RSPRY1: variants seen among roughly 807,000 people sequenced by gnomAD.
RSPRY1 encodes the protein ring finger and SPRY domain containing 1.
A neutral mutation model predicts 73.1 loss-of-function variants in RSPRY1; 23 were observed. The ratio of observed to expected loss-of-function variants is 0.31; its 90% confidence interval spans 0.23 to 0.45. The LOEUF (loss-of-function observed/expected upper bound fraction) is 0.45. Among genes scored for constraint, RSPRY1 ranks in the 20% least tolerant of loss-of-function variants. The pLI is 1.00. For missense variants in RSPRY1, 448 were observed against 698.7 expected (o/e 0.64, Z 4.05); for synonymous variants, 226 against 251.4 (o/e 0.90, Z 0.95).
intron 1 of RSPRY1, among the ~76,000 whole-genome samples, chr16:57,194,274 G>A (rs1480773570): frequency 2.0e-5 from 3 of 152,110 alleles, no homozygotes; most frequent in African/African-American, 4.8e-5. Context: ...TTAGTAAAAT[G>A]TTAGTAGTAG....
intron 10 of RSPRY1, among the ~76,000 whole-genome samples, chr16:57,225,578 G>A (rs1446258883): frequency 6.6e-6 from 1 of 152,156 alleles, no homozygotes; most frequent in Non-Finnish European, 1.5e-5. Context: ...AGAAGAAGCA[G>A]GCCATCAGGA....
At chr16:57,228,581 T>C (rs1411919190) in intron 11 of RSPRY1, among the ~76,000 whole-genome samples, 1 of 152,192 alleles carries the variant, frequency 6.6e-6, no homozygotes, top group Non-Finnish European at 1.5e-5. Flanking sequence ...TCCCCTGTAA[T>C]TTCTCCAGAG....
rs558962437 is a variant in RSPRY1, at chr16:57,194,208, TA to T, written c.-156+7765del. 1.4e-4 allele frequency among the ~76,000 whole-genome samples: 22 copies of T among 151,854 alleles called. No individual in the cohort carries two copies. The South Asian group carries it at 4.6e-3, about 32-fold the overall frequency. On this transcript the variant is annotated intron_variant, in intron 1 of 14. Coordinates refer to ENST00000394420, the MANE Select transcript of RSPRY1 (RefSeq NM_133368.3). ...TGCCTATAGTTTACTTTGAAATATGTAAAAAAAACTGAATGGATTAATGATG... is the reference window on the plus strand; with the variant it reads ...TGCCTATAGTTTACTTTGAAATATGTAAAAAAACTGAATGGATTAATGATG...
intron 4 of RSPRY1, 36 bp from the exon 5 acceptor site, chr16:57,212,936 A>G (rs368389140): frequency 1.9e-6 from 3 of 1,608,246 alleles, no homozygotes; most frequent in South Asian, 1.1e-5. Flanking sequence ...CCTGTGTAGT[A>G]TATGGGTCAA....
At chr16:57,220,093 C>T (rs2075010220) in intron 8 of RSPRY1, 1 of 152,178 alleles carries the variant, frequency 6.6e-6, no homozygotes, top group Middle Eastern at 3.2e-3. Context: ...AATGTGATTC[C>T]TCCAGTTTCG....
chr16:57,220,587 C>A, intron 8 of RSPRY1, 145 bp from the exon 9 acceptor site: 1 of 477,528 alleles, frequency 2.1e-6, no homozygotes, highest in Non-Finnish European at 3.8e-6. Flanking sequence ...TCATATTATC[C>A]ACAAACATGG....
At chr16:57,196,264 A>G (rs767608357) in intron 1 of RSPRY1, among the ~76,000 whole-genome samples, 2 of 151,992 alleles carry the variant, frequency 1.3e-5, no homozygotes, top group Non-Finnish European at 2.9e-5. Flanking sequence ...TAACCATTCT[A>G]ATGGCTTTTT....
intron 8 of RSPRY1, chr16:57,219,898 A>T (rs1390189132): frequency 1.3e-5 from 2 of 152,176 alleles, no homozygotes; most frequent in African/African-American, 4.8e-5. Context: ...TTCCAGCACC[A>T]TTTATTGAAG....
At chr16:57,229,715 T>C (rs2075179437) in intron 11 of RSPRY1, among the ~76,000 whole-genome samples, 1 of 120,630 alleles carries the variant, frequency 8.3e-6, no homozygotes, top group Non-Finnish European at 1.7e-5. Flanking sequence ...TTTTTTTTTT[T>C]TTTTTTTTGA....
chr16:57,239,950 G>T lies in RSPRY1; in HGVS notation c.*975G>T, dbSNP rs1197159694. 2 of 152,110 alleles carry T rather than the reference G, an allele frequency of 1.3e-5. No homozygotes were observed. The highest frequency in any genetic ancestry group is 2.9e-5 in the Non-Finnish European group (2 of 68,000). The allele number at this position is 152,110 out of a possible 1,614,324, so 9.4% of individuals were successfully genotyped here. On this transcript the variant is annotated 3_prime_UTR_variant, in exon 15 of 15. Coordinates refer to ENST00000394420, the MANE Select transcript of RSPRY1 (RefSeq NM_133368.3). ...TTGTTCTAAATAAATACATGTTTTT[G>T]AATAGTTCAATCATGAATTATTGAC...
At chr16:57,204,409 G>C in intron 1 of RSPRY1, 95 bp from the exon 2 acceptor site, 1 of 417,592 alleles carries the variant, frequency 2.4e-6, no homozygotes, top group Non-Finnish European at 4.3e-6. Context: ...TTCTTCATTA[G>C]AATCCTAATA....
intron 7 of RSPRY1, 69 bp from the exon 8 acceptor site, chr16:57,216,835 A>G: frequency 6.8e-7 from 1 of 1,463,090 alleles, no homozygotes. Context: ...CTCCTTAGCA[A>G]TACTAATTTG....
At chr16:57,217,374 T>C (rs2074958423) in intron 8 of RSPRY1, among the ~76,000 whole-genome samples, 2 of 152,190 alleles carry the variant, frequency 1.3e-5, no homozygotes, top group Admixed American at 1.3e-4. Context: ...GATTCCTACC[T>C]CTGGACCTAT....
chr16:57,213,126 G>T (rs879814385), intron 5 of RSPRY1, 28 bp downstream of exon 5: 2 of 1,583,094 alleles, frequency 1.3e-6, no homozygotes, highest in Non-Finnish European at 1.7e-6. Flanking sequence ...CACAGTGGAA[G>T]ATCTTAAGTT....
intron 13 of RSPRY1, among the ~76,000 whole-genome samples, chr16:57,232,295 T>A (rs2075235551): frequency 6.6e-6 from 1 of 152,188 alleles, no homozygotes; most frequent in East Asian, 1.9e-4. Flanking sequence ...AGTGGTTCAA[T>A]AGTTTCCAGA....
intron 1 of RSPRY1, among the ~76,000 whole-genome samples, chr16:57,191,328 A>G (rs768599608): frequency 6.6e-6 from 1 of 152,184 alleles, no homozygotes; most frequent in Non-Finnish European, 1.5e-5. Flanking sequence ...AGGTATGCCT[A>G]AGGGCTACTT....
intron 12 of RSPRY1, 61 bp from the exon 13 acceptor site, chr16:57,231,106 C>A: frequency 6.7e-7 from 1 of 1,501,734 alleles, no homozygotes; most frequent in South Asian, 1.2e-5. Flanking sequence ...ACTGTTCTAT[C>A]TATTAACTCT....
At chr16:57,213,210 A>T in intron 5 of RSPRY1, 112 bp downstream of exon 5, 1 of 1,074,810 alleles carries the variant, frequency 9.3e-7, no homozygotes, top group Non-Finnish European at 1.3e-6. Context: ...TCTCTTAAAA[A>T]TGATATTGAG....
At chr16:57,210,996 T>TA (rs374064986) in intron 4 of RSPRY1, among the ~76,000 whole-genome samples, 196 of 152,166 alleles carry the variant, frequency 1.3e-3, no homozygotes, top group African/African-American at 4.6e-3. Context: ...CCAGCCTGGT[T>TA]AAAAAAAGAA....
Sources: gnomAD v4.1 joint callset for allele counts (sites outside exome capture counted in the v4.1 genomes callset) on GRCh38, gnomAD v4.1.1 for gene constraint, MANE v1.5 for transcripts, NCBI Gene and HGNC (gene_info 2026-07-23, HGNC 2026-07-21) for gene names.